Variants in PHF24 observed in about 807,000 individuals in gnomAD.
PHF24 encodes the protein Galpha inhibitory interacting protein.
In PHF24, 25 loss-of-function variants were observed where a neutral mutation model predicts 42.6. That is an observed-to-expected ratio of 0.59 (90% CI 0.43 to 0.82). The LOEUF (loss-of-function observed/expected upper bound fraction) is 0.82. PHF24 is among the 40% of genes least tolerant of loss of function. PHF24 has a pLI of 0.00. For synonymous variants in PHF24, 185 were observed against 204.8 expected (o/e 0.90, Z 0.83); for missense variants, 470 against 538.1 (o/e 0.87, Z 1.25).
At chr9:34,766,891 C>T in the PHF24 span, among the ~76,000 whole-genome samples, 5 of 152,078 alleles carry the variant, frequency 3.3e-5, no homozygotes, top group Non-Finnish European at 7.4e-5. Context: ...TGTGGATGTC[C>T]TTTCTGTTCG....
At chr9:34,709,327 C>G in the PHF24 span, 1 of 1,582,656 alleles carries the variant, frequency 6.3e-7, no homozygotes, top group Non-Finnish European at 8.6e-7. Context: ...CTTCTTGCAT[C>G]TTGGGTTCAG....
At chr9:34,912,529 C>T in the PHF24 span, among the ~76,000 whole-genome samples, 3 of 152,078 alleles carry the variant, frequency 2.0e-5, no homozygotes, top group Admixed American at 1.3e-4. Context: ...TGAAAAAAAA[C>T]ACATAGCAAA....
At chr9:34,703,371 G>T in the PHF24 span, among the ~76,000 whole-genome samples, 1 of 152,162 alleles carries the variant, frequency 6.6e-6, no homozygotes, top group South Asian at 2.1e-4. Flanking sequence ...GTTTCACCAT[G>T]TTGGCCAGGC....
At chr9:34,962,033 G>A (rs1442251099) in intron 1 of PHF24, among the ~76,000 whole-genome samples, 1 of 152,136 alleles carries the variant, frequency 6.6e-6, no homozygotes, top group East Asian at 1.9e-4. Context: ...AGGTTGCGAA[G>A]GAGTTTCCTG....
the PHF24 span, among the ~76,000 whole-genome samples, chr9:34,887,924 A>G: frequency 6.6e-6 from 1 of 152,142 alleles, no homozygotes; most frequent in African/African-American, 2.4e-5. Context: ...GGAATGAAGA[A>G]TGGGTGAAAG....
chr9:34,783,681 T>C, the PHF24 span, among the ~76,000 whole-genome samples: 3 of 152,248 alleles, frequency 2.0e-5, no homozygotes, highest in African/African-American at 7.2e-5. Context: ...GTTCTGGTAA[T>C]ATTTAGGGAC....
chr9:34,923,012 C>T, the PHF24 span: 22 of 631,632 alleles, frequency 3.5e-5, no homozygotes, highest in South Asian at 7.9e-5. Context: ...GCCTGGGCTC[C>T]GGCCCGCCTA....
the PHF24 span, among the ~76,000 whole-genome samples, chr9:34,825,468 G>A: frequency 6.6e-6 from 1 of 152,094 alleles, no homozygotes; most frequent in African/African-American, 2.4e-5. Context: ...GGAGGAGAGG[G>A]TCTTTGCAGG....
the PHF24 span, among the ~76,000 whole-genome samples, chr9:34,720,183 G>A: frequency 7.9e-5 from 12 of 152,230 alleles, no homozygotes; most frequent in Admixed American, 3.3e-4. Flanking sequence ...GGTGGCTCAC[G>A]CCTGTAATCC....
At chr9:34,887,843 T>TA in the PHF24 span, among the ~76,000 whole-genome samples, 1 of 152,190 alleles carries the variant, frequency 6.6e-6, no homozygotes, top group African/African-American at 2.4e-5. Flanking sequence ...TTTTTCCTCT[T>TA]ATGTTCACTG....
chr9:34,928,061 C>G, the PHF24 span, among the ~76,000 whole-genome samples: 6 of 151,886 alleles, frequency 4.0e-5, no homozygotes, highest in East Asian at 1.2e-3. Flanking sequence ...ACTAAAAATA[C>G]AAAAATTAGC....
the PHF24 span, among the ~76,000 whole-genome samples, chr9:34,669,175 G>A: frequency 2.0e-5 from 3 of 152,288 alleles, no homozygotes; most frequent in East Asian, 1.9e-4. Context: ...CCTTTAGCAT[G>A]TGTTGTCAGA....
At chr9:34,768,052 G>T in the PHF24 span, among the ~76,000 whole-genome samples, 2 of 152,112 alleles carry the variant, frequency 1.3e-5, no homozygotes, top group African/African-American at 4.8e-5. Flanking sequence ...GTGTTCATGG[G>T]GCATTGCAAA....
the PHF24 span, among the ~76,000 whole-genome samples, chr9:34,862,284 C>T: frequency 6.6e-6 from 1 of 152,170 alleles, no homozygotes; most frequent in South Asian, 2.1e-4. Flanking sequence ...AGCCAGTAGA[C>T]TTGAGGGGCA....
the PHF24 span, among the ~76,000 whole-genome samples, chr9:34,805,123 G>A: frequency 6.6e-6 from 1 of 152,062 alleles, no homozygotes; most frequent in African/African-American, 2.4e-5. Context: ...TGAACATTTG[G>A]GTTGTTTCCA....
the PHF24 span, among the ~76,000 whole-genome samples, chr9:34,943,459 G>A: frequency 6.6e-6 from 1 of 152,156 alleles, no homozygotes; most frequent in Admixed American, 6.5e-5. Flanking sequence ...CCAGATTTTA[G>A]CCAGGACTTC....
the PHF24 span, among the ~76,000 whole-genome samples, chr9:34,785,265 A>T: frequency 6.6e-6 from 1 of 152,224 alleles, no homozygotes; most frequent in Non-Finnish European, 1.5e-5. Flanking sequence ...ATGAATAAAA[A>T]GAGACAAACT....
chr9:34,851,429 T>C, the PHF24 span, among the ~76,000 whole-genome samples: 1 of 152,154 alleles, frequency 6.6e-6, no homozygotes, highest in African/African-American at 2.4e-5. Flanking sequence ...AATCTCCTGG[T>C]GCGCCGTTTT....
At chr9:34,835,231 G>C in the PHF24 span, 2 of 1,552,244 alleles carry the variant, frequency 1.3e-6, no homozygotes, top group Non-Finnish European at 8.7e-7. Flanking sequence ...ACCAGGTCTG[G>C]AGGGAAATGG....
Sources: allele counts gnomAD v4.1 joint callset (sites outside exome capture counted in the v4.1 genomes callset), GRCh38; gene constraint gnomAD v4.1.1; transcripts MANE v1.5; gene names NCBI Gene and HGNC (gene_info 2026-07-23, HGNC 2026-07-21).